Variants in EPHA5 observed in about 807,000 individuals in gnomAD.
EPHA5 encodes the protein EPH receptor A5.
EPHA5 carries 60 observed loss-of-function variants against 105.0 expected under a neutral mutation model. The observed-to-expected ratio is 0.57, with a 90% CI of 0.46 to 0.71. The LOEUF is 0.71. Ranked by LOEUF, EPHA5 falls within the 30% of genes least tolerant of loss-of-function variation. The probability of loss-of-function intolerance (pLI) is 0.00; values close to 1 mark genes in which losing one functional copy is unlikely to be tolerated. For missense variants in EPHA5, 1,218 were observed against 1,274.7 expected (o/e 0.96, Z 0.68); for synonymous variants, 513 against 449.1 (o/e 1.14, Z -1.80).
At chr4:65,413,954 T>TA (rs1345202931) in intron 7 of EPHA5, among the ~76,000 whole-genome samples, 1 of 152,118 alleles carries the variant, frequency 6.6e-6, no homozygotes, top group East Asian at 1.9e-4. Flanking sequence ...CCTAGTTCAA[T>TA]AAAACGACTA....
intron 8 of EPHA5, among the ~76,000 whole-genome samples, chr4:65,379,254 G>T (rs1030997399): frequency 2.1e-5 from 3 of 141,188 alleles, no homozygotes; most frequent in African/African-American, 7.7e-5. Context: ...TAAGCTTTGT[G>T]TCTTATGAAT....
chr4:65,659,553 G>T (rs1022193704), intron 1 of EPHA5, among the ~76,000 whole-genome samples: 4 of 151,892 alleles, frequency 2.6e-5, no homozygotes, highest in Non-Finnish European at 4.4e-5. Context: ...CTATGACTAA[G>T]TATGAGAGGA....
intron 8 of EPHA5, among the ~76,000 whole-genome samples, chr4:65,402,810 T>C (rs1721976983): frequency 6.6e-6 from 1 of 152,182 alleles, no homozygotes; most frequent in Admixed American, 6.6e-5. Flanking sequence ...ATGGTAGTTT[T>C]CCTAGTAGTT....
intron 8 of EPHA5, among the ~76,000 whole-genome samples, chr4:65,394,997 T>C (rs1432849703): frequency 1.3e-5 from 2 of 152,200 alleles, no homozygotes; most frequent in East Asian, 3.9e-4. Context: ...AGCTCGTTGA[T>C]GTGTCTAAAT....
chr4:65,554,057 C>A (rs1578408848), intron 3 of EPHA5, among the ~76,000 whole-genome samples: 3 of 151,482 alleles, frequency 2.0e-5, no homozygotes, highest in Admixed American at 2.0e-4. Flanking sequence ...AAAATTACTA[C>A]GTATCTACAA....
chr4:65,536,786 T>G (rs556889902), intron 3 of EPHA5, among the ~76,000 whole-genome samples: 2 of 151,800 alleles, frequency 1.3e-5, no homozygotes, highest in East Asian at 3.9e-4. Flanking sequence ...AAAGTTAGGT[T>G]TGGGAAGAAT....
chr4:65,432,518 G>A (rs1725073749), intron 5 of EPHA5, among the ~76,000 whole-genome samples: 1 of 152,030 alleles, frequency 6.6e-6, no homozygotes, highest in Non-Finnish European at 1.5e-5. Flanking sequence ...CTTCTGTGTT[G>A]AGTTCCTTTT....
At chr4:65,442,733 C>T (rs1726142044) in intron 5 of EPHA5, among the ~76,000 whole-genome samples, 1 of 152,150 alleles carries the variant, frequency 6.6e-6, no homozygotes, top group Non-Finnish European at 1.5e-5. Flanking sequence ...CATATGCCCA[C>T]CACAACCATA....
chr4:65,580,631 G>A (rs28455852), intron 3 of EPHA5, among the ~76,000 whole-genome samples: 10,091 of 151,568 alleles, frequency 0.067, 407 homozygotes, highest in Admixed American at 0.12. Flanking sequence ...TAAAATAAAA[G>A]CCCTCTGCTC....
At chr4:65,546,400 G>A (rs1737374788) in intron 3 of EPHA5, among the ~76,000 whole-genome samples, 1 of 151,936 alleles carries the variant, frequency 6.6e-6, no homozygotes, top group Admixed American at 6.6e-5. Context: ...GTTGTTAAAA[G>A]GTGGATATGC....
At chr4:65,463,057 A>G (rs773878151) in intron 5 of EPHA5, among the ~76,000 whole-genome samples, 5 of 152,192 alleles carry the variant, frequency 3.3e-5, no homozygotes, top group African/African-American at 7.2e-5. Flanking sequence ...GTATTTTTCA[A>G]AAAGGTAAGT....
chr4:65,527,520 A>C (rs1735354086), intron 3 of EPHA5, among the ~76,000 whole-genome samples: 1 of 152,110 alleles, frequency 6.6e-6, no homozygotes. Context: ...TAGAGTCTCT[A>C]CTTTTAAAAT....
At chr4:65,465,434 T>G (rs1728524057) in intron 5 of EPHA5, among the ~76,000 whole-genome samples, 1 of 32,182 alleles carries the variant, frequency 3.1e-5, no homozygotes, top group African/African-American at 1.1e-4. Flanking sequence ...CCCCCACCCC[T>G]CTAAAGAAAG....
chr4:65,478,102 C>CA (rs1730007244), intron 5 of EPHA5, among the ~76,000 whole-genome samples: 1 of 152,164 alleles, frequency 6.6e-6, no homozygotes, highest in Non-Finnish European at 1.5e-5. Context: ...AGCAAACGCA[C>CA]AAGGTAACAA....
intron 11 of EPHA5, among the ~76,000 whole-genome samples, chr4:65,358,751 A>C (rs982158150): frequency 1.5e-4 from 22 of 151,588 alleles, no homozygotes; most frequent in Non-Finnish European, 2.2e-4. Flanking sequence ...ATATAATTTC[A>C]GATTGGGCAA....
At chr4:65,499,043 C>T (rs1732228455) in intron 3 of EPHA5, among the ~76,000 whole-genome samples, 1 of 150,264 alleles carries the variant, frequency 6.7e-6, no homozygotes, top group African/African-American at 2.5e-5. Flanking sequence ...TCATTTCCAA[C>T]ATCAACAGGA....
intron 8 of EPHA5, chr4:65,377,208 C>T: frequency 1.7e-6 from 1 of 597,182 alleles, no homozygotes; most frequent in Non-Finnish European, 2.7e-6. Context: ...TTTTTTTCCA[C>T]AGTGCCTTTC....
At chr4:65,379,052 T>A (rs1719297498) in intron 8 of EPHA5, among the ~76,000 whole-genome samples, 1 of 151,876 alleles carries the variant, frequency 6.6e-6, no homozygotes, top group Non-Finnish European at 1.5e-5. Flanking sequence ...AACACAAATA[T>A]ACTTCTAGTT....
chr4:65,631,460 A>G (rs1177137799), intron 2 of EPHA5, among the ~76,000 whole-genome samples: 1 of 152,142 alleles, frequency 6.6e-6, no homozygotes, highest in East Asian at 1.9e-4. Context: ...TACCAAAGAG[A>G]ATGATCAAAA....
Sources: gnomAD v4.1 joint callset for allele counts (sites outside exome capture counted in the v4.1 genomes callset) on GRCh38, gnomAD v4.1.1 for gene constraint, MANE v1.5 for transcripts, NCBI Gene and HGNC (gene_info 2026-07-23, HGNC 2026-07-21) for gene names.